The following SLC14A2 variants were observed in gnomAD, a reference collection of about 807,000 sequenced individuals.
The protein encoded by SLC14A2 is solute carrier family 14 member 2.
A neutral mutation model predicts 104.6 loss-of-function variants in SLC14A2; 91 were observed. The ratio of observed to expected loss-of-function variants is 0.87; its 90% confidence interval spans 0.73 to 1.04. The LOEUF (loss-of-function observed/expected upper bound fraction) is 1.04, where lower values mean the gene tolerates loss of function less well. Ranked by LOEUF, SLC14A2 falls within the 50% of genes least tolerant of loss-of-function variation. SLC14A2 has a pLI of 0.00. For missense variants in SLC14A2, 1,189 were observed against 1,156.0 expected, an observed-to-expected ratio of 1.03 and a Z score of -0.41; for synonymous variants, 476 against 466.4, an observed-to-expected ratio of 1.02 and a Z score of -0.27.
chr18:45,443,201 C>A (rs948354104), intron 1 of SLC14A2, among the ~76,000 whole-genome samples: 1 of 152,116 alleles, frequency 6.6e-6, no homozygotes, highest in Non-Finnish European at 1.5e-5. Context: ...AAATCACTGA[C>A]AAGAGGCAAA....
At chr18:45,338,939 C>A (rs559832578) in intron 1 of SLC14A2, among the ~76,000 whole-genome samples, 1 of 145,852 alleles carries the variant, frequency 6.9e-6, no homozygotes, top group East Asian at 2.0e-4. Context: ...ATTCTTATAC[C>A]TTTTTTTTTT....
chr18:45,223,201 G>A (rs2084080239), intron 1 of SLC14A2, among the ~76,000 whole-genome samples: 1 of 152,170 alleles, frequency 6.6e-6, no homozygotes, highest in Non-Finnish European at 1.5e-5. Context: ...GTCACAAGAT[G>A]GTAACTGATG....
At chr18:45,457,249 A>G (rs73955829) in intron 1 of SLC14A2, among the ~76,000 whole-genome samples, 1,559 of 152,260 alleles carry the variant, frequency 0.01, 26 homozygotes, top group African/African-American at 0.036. Flanking sequence ...AGAGTACAGT[A>G]AACAACTATA....
intron 1 of SLC14A2, among the ~76,000 whole-genome samples, chr18:45,463,295 C>T (rs921616052): frequency 1.3e-5 from 2 of 152,150 alleles, no homozygotes; most frequent in African/African-American, 2.4e-5. Flanking sequence ...CATTTGAAAG[C>T]CTGAACACGA....
chr18:45,182,792 A>G, the SLC14A2 span, among the ~76,000 whole-genome samples: 2 of 152,214 alleles, frequency 1.3e-5, no homozygotes, highest in African/African-American at 4.8e-5. Context: ...GACTTAATAC[A>G]TGAGAAATAT....
chr18:45,551,495 C>T (rs2144283580), intron 2 of SLC14A2, among the ~76,000 whole-genome samples: 1 of 152,356 alleles, frequency 6.6e-6, no homozygotes, highest in South Asian at 2.1e-4. Context: ...TTTGGGGAGG[C>T]TCCCTTCTGA....
At chr18:45,386,546 G>C (rs557789510) in intron 1 of SLC14A2, among the ~76,000 whole-genome samples, 12 of 152,268 alleles carry the variant, frequency 7.9e-5, no homozygotes, top group African/African-American at 2.9e-4. Context: ...GTACCATCCC[G>C]AAAAGATTTG....
At chr18:45,487,292 G>A (rs1346974711) in intron 2 of SLC14A2, among the ~76,000 whole-genome samples, 1 of 152,174 alleles carries the variant, frequency 6.6e-6, no homozygotes, top group African/African-American at 2.4e-5. Flanking sequence ...GTCCATCTCT[G>A]GCCACAGCCA....
intron 10 of SLC14A2, among the ~76,000 whole-genome samples, chr18:45,658,379 G>A (rs1374577651): frequency 2.7e-4 from 41 of 152,108 alleles, no homozygotes; most frequent in East Asian, 3.9e-4. Context: ...TCAGGAGTTC[G>A]AGACCAGCCT....
intron 1 of SLC14A2, among the ~76,000 whole-genome samples, chr18:45,218,899 A>C (rs2084036267): frequency 6.6e-6 from 1 of 151,720 alleles, no homozygotes; most frequent in Middle Eastern, 3.2e-3. Context: ...GCTGCTTTAA[A>C]AAAAAAAAAA....
chr18:45,436,271 T>C (rs537043132), intron 1 of SLC14A2, among the ~76,000 whole-genome samples: 1 of 152,352 alleles, frequency 6.6e-6, no homozygotes, highest in South Asian at 2.1e-4. Context: ...CAAATGGACT[T>C]ATTCTGGGTG....
In SLC14A2 at chr18:45,275,273, A is replaced by G. The variant is rs377306954; in HGVS notation, c.-125+62082A>G. Among the ~76,000 whole-genome samples, 24 of 152,372 alleles carry G rather than the reference A, an allele frequency of 1.6e-4. 1 individual carries two copies. Among genetic ancestry groups the G allele is most frequent in the African/African-American group, 5.3e-4 (22 of 41,604 alleles). On this transcript the variant is annotated intron_variant, in intron 1 of 20. Transcript: ENST00000586448. Reference sequence around the variant, plus strand: ...TTTTCTTACAGGGTTTTGAAAAACTATATCTCCACTACATTGGAAAAAGTG... The same window carrying G: ...TTTTCTTACAGGGTTTTGAAAAACTGTATCTCCACTACATTGGAAAAAGTG...
chr18:45,465,883 T>C (rs1598862140), intron 1 of SLC14A2, among the ~76,000 whole-genome samples: 1 of 151,692 alleles, frequency 6.6e-6, no homozygotes, highest in East Asian at 1.9e-4. Context: ...ACGTTGCAAA[T>C]ATAAGAGATG....
intron 1 of SLC14A2, among the ~76,000 whole-genome samples, chr18:45,451,870 C>T (rs867688710): frequency 6.6e-6 from 1 of 152,110 alleles, no homozygotes; most frequent in Non-Finnish European, 1.5e-5. Flanking sequence ...ATTATGGGTT[C>T]GGTTAATGAT....
intron 1 of SLC14A2, among the ~76,000 whole-genome samples, chr18:45,335,481 TGAAG>T (rs1428785543): frequency 4.3e-3 from 2 of 470 alleles, no homozygotes; most frequent in African/African-American, 0.014. Flanking sequence ...GAATGCAAAG[TGAAG>T]TGTTTTGTAT....
At chr18:45,545,583 A>C (rs2043956844) in intron 2 of SLC14A2, among the ~76,000 whole-genome samples, 1 of 152,210 alleles carries the variant, frequency 6.6e-6, no homozygotes, top group Non-Finnish European at 1.5e-5. Flanking sequence ...ATTATCAAGA[A>C]ACACGCCATG....
At chr18:45,289,349 C>G (rs2084846699) in intron 1 of SLC14A2, among the ~76,000 whole-genome samples, 3 of 152,102 alleles carry the variant, frequency 2.0e-5, no homozygotes, top group African/African-American at 7.2e-5. Context: ...TTACCCTCAA[C>G]TTCAGTCACC....
At chr18:45,267,418 ACT>A (rs2084603306) in intron 1 of SLC14A2, among the ~76,000 whole-genome samples, 1 of 151,754 alleles carries the variant, frequency 6.6e-6, no homozygotes, top group African/African-American at 2.4e-5. Flanking sequence ...ATGATACCAC[ACT>A]CTATTCCACT....
chr18:45,653,378 G>GA (rs2045773494), intron 10 of SLC14A2, among the ~76,000 whole-genome samples: 3 of 152,208 alleles, frequency 2.0e-5, no homozygotes, highest in African/African-American at 7.2e-5. Flanking sequence ...GTCAGTGGGG[G>GA]AGTTTGTCTA....
Sources: gnomAD v4.1 joint callset for allele counts (sites outside exome capture counted in the v4.1 genomes callset) on GRCh38, gnomAD v4.1.1 for gene constraint, MANE v1.5 for transcripts, NCBI Gene and HGNC (gene_info 2026-07-23, HGNC 2026-07-21) for gene names.